The following CHODL variants were observed in gnomAD, a reference collection of about 807,000 sequenced individuals.
The protein encoded by CHODL is chondrolectin.
CHODL carries 29 observed loss-of-function variants against 34.5 expected under a neutral mutation model. The ratio of observed to expected loss-of-function variants is 0.84; its 90% CI spans 0.63 to 1.15. CHODL has a LOEUF of 1.15. Ranked by LOEUF, CHODL falls within the 50% of genes most tolerant of loss-of-function variation. CHODL has a pLI of 0.00. For missense variants in CHODL, 332 were observed against 332.5 expected, an observed-to-expected ratio of 1.00 and a Z score of 0.01; for synonymous variants, 125 against 116.1, an observed-to-expected ratio of 1.08 and a Z score of -0.49.
At chr21:18,085,329 A>G (rs1224069490) in intron 2 of CHODL, among the ~76,000 whole-genome samples, 2 of 151,996 alleles carry the variant, frequency 1.3e-5, no homozygotes, top group East Asian at 3.9e-4. Flanking sequence ...CATATTGCTA[A>G]TTATTTTAAA....
At chr21:18,040,533 C>A (rs1232538699) in intron 2 of CHODL, among the ~76,000 whole-genome samples, 1 of 151,804 alleles carries the variant, frequency 6.6e-6, no homozygotes, top group Non-Finnish European at 1.5e-5. Flanking sequence ...TTGCTGTAGG[C>A]CTTAGTGTCT....
intron 2 of CHODL, among the ~76,000 whole-genome samples, chr21:18,115,984 G>C (rs2065407901): frequency 6.6e-6 from 1 of 151,596 alleles, no homozygotes; most frequent in Admixed American, 6.6e-5. Context: ...TTTTGTTGTT[G>C]TTGAACTGCT....
chr21:18,032,837 A>C (rs192400572), intron 2 of CHODL, among the ~76,000 whole-genome samples: 40 of 152,130 alleles, frequency 2.6e-4, no homozygotes, highest in East Asian at 1.7e-3. Flanking sequence ...CCTGGAAAGC[A>C]GTTCTCTTAA....
chr21:18,061,781 C>G (rs926133926), intron 2 of CHODL, among the ~76,000 whole-genome samples: 1 of 152,088 alleles, frequency 6.6e-6, no homozygotes, highest in East Asian at 1.9e-4. Context: ...TCTGAGAGAT[C>G]GAGATTTTGA....
chr21:18,184,729 A>G (rs2073420955), intron 2 of CHODL, among the ~76,000 whole-genome samples: 1 of 152,182 alleles, frequency 6.6e-6, no homozygotes, highest in African/African-American at 2.4e-5. Flanking sequence ...CATCAGGGGC[A>G]GAGGTGGGCC....
intron 2 of CHODL, among the ~76,000 whole-genome samples, chr21:18,171,454 G>C (rs1202034630): frequency 6.6e-6 from 1 of 151,122 alleles, no homozygotes; most frequent in African/African-American, 2.4e-5. Context: ...TGATCCACCC[G>C]CCTCGGCCTC....
chr21:18,031,092 TA>T (rs1282854634), intron 2 of CHODL, among the ~76,000 whole-genome samples: 1 of 152,142 alleles, frequency 6.6e-6, no homozygotes, highest in Non-Finnish European at 1.5e-5. Context: ...TTTTGGTTCA[TA>T]ATGGCTCTTA....
chr21:18,167,081 T>G lies in CHODL; in HGVS notation c.-44-89428T>G, dbSNP rs553562653. On this transcript the variant is annotated intron_variant, in intron 2 of 6. Coordinates refer to the CHODL transcript ENST00000400127. ...ATTTCAGAGTCAGTTTGGTAATTCA[T>G]GTTTTAAAAATATGTTTATTTAATC... Among the ~76,000 whole-genome samples the G allele has an allele frequency of 2.0e-5, 3 of 152,184 alleles. No individual in the cohort carries two copies. In the South Asian group the frequency reaches 6.2e-4, roughly 31 times the overall value.
intron 1 of CHODL, among the ~76,000 whole-genome samples, chr21:17,993,380 C>T (rs937035036): frequency 1.3e-5 from 2 of 152,138 alleles, no homozygotes; most frequent in Non-Finnish European, 2.9e-5. Context: ...ACCCATCACC[C>T]TCTGATAGGC....
At chr21:18,240,406 CA>C (rs1229477550), upstream of CHODL, among the ~76,000 whole-genome samples, 1 of 151,894 alleles carries the variant, frequency 6.6e-6, no homozygotes, top group African/African-American at 2.4e-5. Context: ...AAGTGAAAAC[CA>C]AACAGAAGAG....
chr21:18,007,746 G>A (rs2146408105), intron 1 of CHODL, among the ~76,000 whole-genome samples: 1 of 152,202 alleles, frequency 6.6e-6, no homozygotes, highest in African/African-American at 2.4e-5. Context: ...TTCCTGGAAG[G>A]TTTTTCACTA....
chr21:17,940,738 A>G (rs1383262826), intron 1 of CHODL, among the ~76,000 whole-genome samples: 1 of 152,214 alleles, frequency 6.6e-6, no homozygotes, highest in Non-Finnish European at 1.5e-5. Context: ...ATCAGGGTGT[A>G]TCTATCTGTT....
At chr21:18,137,745 C>A (rs182241657) in intron 2 of CHODL, among the ~76,000 whole-genome samples, 1 of 152,080 alleles carries the variant, frequency 6.6e-6, no homozygotes, top group Admixed American at 6.6e-5. Flanking sequence ...TAGATGCATG[C>A]GTATGTGTAT....
chr21:18,056,728 G>T (rs551304822), intron 2 of CHODL, among the ~76,000 whole-genome samples: 1 of 151,952 alleles, frequency 6.6e-6, no homozygotes, highest in South Asian at 2.1e-4. Flanking sequence ...CATATCTGTT[G>T]TTGTGTTTTT....
At chr21:18,114,998 T>G (rs2065395324) in intron 2 of CHODL, 1 of 152,246 alleles carries the variant, frequency 6.6e-6, no homozygotes, top group African/African-American at 2.4e-5. Flanking sequence ...CTAAACTGCT[T>G]CTTATGTATT....
chr21:18,257,028 C>G lies in CHODL; in HGVS notation c.448C>G (p.Gln150Glu), dbSNP rs761595911. 1.9e-6 allele frequency: 3 copies of G among 1,613,968 alleles called. No homozygotes were observed. The highest frequency in any genetic ancestry group is 2.5e-6 in the Non-Finnish European group (3 of 1,179,924). The stretch of plus-strand genomic sequence containing the variant: ...TGAAAAGTGTGTTGTGATGTATCAC[C>G]AACCAACTGCCAATCCTGGCCTTGG... ...GSEKCVVMYH[Q>E]PTANPGLGGP... The change falls in exon 3 of 6, where the codon CAA becomes GAA. Residue 150 changes from glutamine to glutamate, a missense_variant. By Grantham distance (29) the Gln-to-Glu change is conservative. Coordinates refer to ENST00000299295, the MANE Select transcript of CHODL (RefSeq NM_024944.3).
At chr21:17,950,909 C>T (rs1162966898) in intron 1 of CHODL, among the ~76,000 whole-genome samples, 1 of 152,128 alleles carries the variant, frequency 6.6e-6, no homozygotes, top group Non-Finnish European at 1.5e-5. Flanking sequence ...TGAAGTCTCA[C>T]TGTCTTGCTT....
chr21:17,931,630 T>G (rs1213858806), intron 1 of CHODL, among the ~76,000 whole-genome samples: 1 of 151,820 alleles, frequency 6.6e-6, no homozygotes, highest in East Asian at 1.9e-4. Flanking sequence ...CAAGAGAAAG[T>G]TGAAAACCAA....
At chr21:18,245,861 G>A (rs1210688770) in intron 1 of CHODL, 1 of 1,510,458 alleles carries the variant, frequency 6.6e-7, no homozygotes, top group East Asian at 2.5e-5. Flanking sequence ...ATTGCGTGTA[G>A]ATGCCTTTCC....
Sources: allele counts gnomAD v4.1 joint callset (sites outside exome capture counted in the v4.1 genomes callset), GRCh38; gene constraint gnomAD v4.1.1; transcripts MANE v1.5; gene names NCBI Gene and HGNC (gene_info 2026-07-23, HGNC 2026-07-21).